ZNF107: variants seen among roughly 807,000 people sequenced by gnomAD.
ZNF107 encodes zinc finger protein 107, also known as C2H2 type zinc-finger protein.
Under a neutral mutation model 12.3 loss-of-function variants are expected in ZNF107, and 19 were observed. The observed-to-expected ratio is 1.55, with a 90% CI of 1.08 to 2.27. The LOEUF is 2.27. Among genes scored for constraint, ZNF107 ranks in the 30% most tolerant of loss-of-function variants. The pLI, the probability that ZNF107 is intolerant of heterozygous loss-of-function variation, is 0.00. For synonymous variants in ZNF107, 317 were observed against 330.5 expected (o/e 0.96, Z 0.44); for missense variants, 958 against 979.9 (o/e 0.98, Z 0.30).
chr7:64,672,051 G>T (rs997614062), intron 1 of ZNF107, among the ~76,000 whole-genome samples: 3 of 152,066 alleles, frequency 2.0e-5, no homozygotes, highest in Non-Finnish European at 4.4e-5. Context: ...CTCCCAAAGT[G>T]CTGGGATTAC....
chr7:64,707,385 T>G lies in ZNF107; in HGVS notation c.1288T>G (p.Cys430Gly), dbSNP rs1790697753. Residue 430 changes from cysteine to glycine, a missense_variant, in exon 4 of 4, where the codon TGT becomes GGT. Transcript: ENST00000620827. ...TGEKPYKCKE[C>G]GKAFNQSSNL... ...AGAGAAACCCTACAAATGTAAAGAA[T>G]GTGGCAAAGCTTTTAACCAATCTTC... The G allele has an allele frequency of 6.2e-7, 1 of 1,613,260 alleles. No individual in the cohort carries two copies. Among genetic ancestry groups the G allele is most frequent in the African/African-American group, 1.3e-5 (1 of 74,870 alleles).
At chr7:64,694,943 C>T (rs1032166742) in intron 3 of ZNF107, among the ~76,000 whole-genome samples, 1 of 151,966 alleles carries the variant, frequency 6.6e-6, no homozygotes, top group African/African-American at 2.4e-5. Flanking sequence ...AGCTAGCTGT[C>T]GTTATAAACA....
intron 3 of ZNF107, among the ~76,000 whole-genome samples, chr7:64,704,462 T>C (rs1170389242): frequency 6.6e-6 from 1 of 152,036 alleles, no homozygotes; most frequent in Non-Finnish European, 1.5e-5. Flanking sequence ...GCCAGGATGG[T>C]CTCAATCTCT....
chr7:64,669,743 G>A (rs1789150323), intron 1 of ZNF107, among the ~76,000 whole-genome samples: 1 of 152,146 alleles, frequency 6.6e-6, no homozygotes, highest in East Asian at 1.9e-4. Context: ...AGCCAAGAGT[G>A]TACCACTGCA....
At chr7:64,694,405 C>T (rs375456609) in intron 3 of ZNF107, among the ~76,000 whole-genome samples, 13 of 152,238 alleles carry the variant, frequency 8.5e-5, no homozygotes, top group African/African-American at 2.9e-4. Flanking sequence ...TGAAAAGGAA[C>T]ACTTCTCAAT....
intron 1 of ZNF107, among the ~76,000 whole-genome samples, chr7:64,690,701 T>G (rs1790086188): frequency 6.6e-6 from 1 of 152,096 alleles, no homozygotes; most frequent in Admixed American, 6.5e-5. Flanking sequence ...CTTTTCTGTA[T>G]CCCTCTCATC....
chr7:64,707,995 C>G lies in ZNF107; in HGVS notation c.1898C>G (p.Ser633Cys), dbSNP rs184785900. The change falls in exon 4 of 4, where the codon TCC becomes TGC. Residue 633 changes from serine to cysteine, a missense_variant. Physicochemically the swap from Ser to Cys is moderately radical, Grantham distance 112. Coordinates refer to ENST00000620827, the MANE Select transcript of ZNF107 (RefSeq NM_001282359.2). ...GAACATGGCAAAGTTTTTAACCAGT[C>G]CTCAAACCTTACTACACAAAAGATA... ...CEEHGKVFNQ[S>C]SNLTTQKIIH... 2.5e-5 allele frequency: 40 copies of G among 1,613,004 alleles called. No homozygotes were observed. In the East Asian group the frequency reaches 8.9e-4, roughly 36 times the overall value.
rs1213610930 is a variant in ZNF107, at chr7:64,671,779, C to CTTTTTTTTTTTT, written c.3+5503_3+5514dup. On this transcript the variant is annotated intron_variant, in intron 1 of 3. Coordinates refer to ENST00000620827, the MANE Select transcript of ZNF107 (RefSeq NM_001282359.2). ...AAGTATTTTTTTGATCCTTTTTGTTCTTTTTTTTTTTTTTTTTTTTGAGGC... is the reference window on the plus strand; with the variant it reads ...AAGTATTTTTTTGATCCTTTTTGTTCTTTTTTTTTTTTTTTTTTTTTTTTTTTTTTTTGAGGC... Among the ~76,000 whole-genome samples, 11 of 116,556 alleles carry CTTTTTTTTTTTT rather than the reference C, an allele frequency of 9.4e-5. No individual in the cohort carries two copies. In the East Asian group the frequency reaches 1.0e-3, roughly 11 times the overall value. The allele number at this position is 116,556 out of a possible 152,430, so 76.5% of individuals were successfully genotyped here.
Position 64,709,763 on chromosome 7 carries a change from G to T in ZNF107, c.*1107G>T. On this transcript the variant is annotated 3_prime_UTR_variant, in exon 4 of 4. Transcript: ENST00000620827. Reference sequence around the variant, plus strand: ...GATTTTACTCAACATTAGAGAGTTAGTACGTAATAAAAGCATTATAAATGC... The same window carrying T: ...GATTTTACTCAACATTAGAGAGTTATTACGTAATAAAAGCATTATAAATGC... 4.4e-6 allele frequency: 2 copies of T among 453,878 alleles called. No individual in the cohort carries two copies. The highest frequency in any genetic ancestry group is 8.8e-6 in the Non-Finnish European group (2 of 226,348). The allele number at this position is 453,878 out of a possible 1,614,324, so 28.1% of individuals were successfully genotyped here.
At chr7:64,671,136 G>A (rs1049577105) in intron 1 of ZNF107, among the ~76,000 whole-genome samples, 4 of 152,286 alleles carry the variant, frequency 2.6e-5, no homozygotes, top group East Asian at 3.9e-4. Flanking sequence ...CTGGGAATGC[G>A]ACGCTCTACC....
chr7:64,673,320 G>A (rs1248812034), intron 1 of ZNF107, among the ~76,000 whole-genome samples: 1 of 152,214 alleles, frequency 6.6e-6, no homozygotes, highest in African/African-American at 2.4e-5. Flanking sequence ...GGGATTATAG[G>A]CATGAGCCAC....
rs557308595 is a variant in ZNF107, at chr7:64,666,411, C to T, written c.3+126C>T. The T allele has an allele frequency of 5.5e-6, 7 of 1,279,698 alleles. No individual in the cohort carries two copies. The South Asian group carries it at 6.7e-5, about 12-fold the overall frequency. The allele number at this position is 1,279,698 out of a possible 1,614,324, so 79.3% of individuals were successfully genotyped here. A position where few individuals can be genotyped will look rare whatever the true frequency, so the allele number is the denominator to read the frequency against. On this transcript the variant is annotated intron_variant, in intron 1 of 3. Coordinates refer to ENST00000620827, the MANE Select transcript of ZNF107 (RefSeq NM_001282359.2). ...CCAAGTTCTCCTTGGCGCAGCTCGG[C>T]CCTCAGTCCCCCGCGGCCCCGAGTT...
chr7:64,683,405 G>T (rs184093506), intron 1 of ZNF107, among the ~76,000 whole-genome samples: 2 of 152,312 alleles, frequency 1.3e-5, no homozygotes, highest in African/African-American at 4.8e-5. Context: ...CAGTAAAACA[G>T]CAAAAGAGGT....
At position 64,687,007 on chromosome 7, in the gene ZNF107, A is replaced by G. The variant is rs1789943516; in HGVS notation, c.4-4241A>G. On this transcript the variant is annotated intron_variant, in intron 1 of 3. Coordinates refer to ENST00000620827, the MANE Select transcript of ZNF107 (RefSeq NM_001282359.2). The stretch of plus-strand genomic sequence containing the variant: ...TTTTTCATACTGAGGGTAGCTGTGC[A>G]CTTTGGGTTTTTACAGAGAAATGTG... 3.0e-6 allele frequency: 3 copies of G among 985,438 alleles called. No individual in the cohort carries two copies. The African/African-American group carries it at 5.2e-5, about 17-fold the overall frequency. 61.0% of individuals were successfully genotyped at this position (985,438 alleles called of 1,614,324 possible).
At chr7:64,674,598 C>T (rs144262707) in intron 1 of ZNF107, among the ~76,000 whole-genome samples, 44 of 152,208 alleles carry the variant, frequency 2.9e-4, no homozygotes, top group African/African-American at 8.9e-4. Flanking sequence ...TTATTTTTGT[C>T]GCTTGCCTGA....
intron 3 of ZNF107, among the ~76,000 whole-genome samples, chr7:64,694,449 C>T (rs1283590516): frequency 6.6e-6 from 1 of 152,198 alleles, no homozygotes; most frequent in African/African-American, 2.4e-5. Context: ...AACTCCCTTC[C>T]TGGAACTCGG....
intron 1 of ZNF107, among the ~76,000 whole-genome samples, chr7:64,666,559 C>T (rs1226364161): frequency 1.3e-5 from 2 of 152,186 alleles, no homozygotes; most frequent in Admixed American, 6.5e-5. Context: ...CTGGAGCCCT[C>T]TCCGGGCGGC....
At chr7:64,687,228 T>C (rs1194231431) in intron 1 of ZNF107, 4 of 986,520 alleles carry the variant, frequency 4.1e-6, no homozygotes, top group African/African-American at 3.5e-5. Context: ...TGGGCTGTCA[T>C]AGTGAGAACT....
chr7:64,706,731 T>A lies in ZNF107; in HGVS notation c.634T>A (p.Trp212Arg), dbSNP rs529948635. ...TGAAGAATGTGGAAAAGCCTTTAAC[T>A]GGTTCTCAACTCTTACTAAACATAA... The part of the protein sequence containing the change: ...KCEECGKAFN[W>R]FSTLTKHKRI... Residue 212 changes from tryptophan (W) to arginine (R), a missense_variant, in exon 4 of 4, where the codon TGG becomes AGG. Physicochemically the swap from Trp to Arg is moderately radical, Grantham distance 101. Coordinates refer to ENST00000620827, the MANE Select transcript of ZNF107 (RefSeq NM_001282359.2). 2 of 1,612,474 alleles carry A rather than the reference T, an allele frequency of 1.2e-6. No homozygotes were observed. Among genetic ancestry groups the A allele is most frequent in the East Asian group, 4.5e-5 (2 of 44,842 alleles).
Sources: allele counts gnomAD v4.1 joint callset (sites outside exome capture counted in the v4.1 genomes callset), GRCh38; gene constraint gnomAD v4.1.1; transcripts MANE v1.5; gene names NCBI Gene and HGNC (gene_info 2026-07-23, HGNC 2026-07-21).